Variants in THOC2 observed in about 807,000 individuals in gnomAD.
THOC2 encodes the protein THO complex 2.
A neutral mutation model predicts 128.4 loss-of-function variants in THOC2; 10 were observed. The ratio of observed to expected loss-of-function variants is 0.08; its 90% CI spans 0.05 to 0.13. THOC2 has a LOEUF of 0.13. THOC2 is among the 10% of genes least tolerant of loss of function. THOC2 has a pLI of 1.00. For missense variants in THOC2, 535 were observed against 1,155.7 expected (o/e 0.46, Z 7.79); for synonymous variants, 393 against 396.9 (o/e 0.99, Z 0.12).
rs773474046 is a variant in THOC2 at position 123,636,000 on chromosome X, G to A, written c.2018+79C>T. 582 of 722,177 alleles carry A rather than the reference G, an allele frequency of 8.1e-4. 1 individual carries two copies. The highest frequency in any genetic ancestry group is 9.8e-4 in the Non-Finnish European group (478 of 489,084). The allele number at this position is 722,177 out of a possible 1,213,427, so 59.5% of individuals were successfully genotyped here. A position where few individuals can be genotyped will look rare whatever the true frequency, so the allele number is the denominator to read the frequency against. ...ACAACCAACAAATAAGTAGTCTTTC[G>A]GGATAACAGAGTCTCAATAACCCCA... On this transcript the variant is annotated intron_variant, in intron 19 of 38. Transcript: ENST00000245838.
Position 123,667,099 on chromosome X carries a change from T to C in THOC2, c.1190+7A>G. 1 of 1,159,293 alleles carries C rather than the reference T, an allele frequency of 8.6e-7. No homozygotes were observed. The highest frequency in any genetic ancestry group is 1.2e-6 in the Non-Finnish European group (1 of 865,835). On this transcript the variant is annotated splice_region_variant and intron_variant, in intron 11 of 38. Transcript: ENST00000245838. ...CTCAATGATTAATAAAGTATAAAGTTACATACCTTCGGTAGAGAGGCTCAA... is the reference window on the plus strand; with the variant it reads ...CTCAATGATTAATAAAGTATAAAGTCACATACCTTCGGTAGAGAGGCTCAA...
chrX:123,684,415 C>G (rs2049921286), intron 8 of THOC2, among the ~76,000 whole-genome samples: 1 of 111,772 alleles, frequency 8.9e-6, no homozygotes, highest in Non-Finnish European at 1.9e-5. Context: ...CGGAGTTTTA[C>G]TCTTATTGCC....
At chrX:123,717,569 GAATA>G (rs1411552181) in intron 1 of THOC2, among the ~76,000 whole-genome samples, 1 of 109,083 alleles carries the variant, frequency 9.2e-6, no homozygotes. Flanking sequence ...TGATTGATTA[GAATA>G]ATTAAGATTG....
At chrX:123,608,459 C>G (rs1345443462) in intron 38 of THOC2, among the ~76,000 whole-genome samples, 4 of 107,386 alleles carry the variant, frequency 3.7e-5, no homozygotes, top group Admixed American at 2.0e-4. Flanking sequence ...CACAGTGGCT[C>G]AGACCTGTAA....
At chrX:123,623,535 T>C in intron 28 of THOC2, 1 of 598,285 alleles carries the variant, frequency 1.7e-6, no homozygotes. Flanking sequence ...CTGTTAACTA[T>C]GATGATAAAA....
At chrX:123,697,017 T>C (rs781715969) in intron 5 of THOC2, among the ~76,000 whole-genome samples, 175 bp from the exon 6 acceptor site, 10 of 112,046 alleles carry the variant, frequency 8.9e-5, no homozygotes, top group Non-Finnish European at 1.5e-4. Context: ...CTCCAAATAT[T>C]GAAATATTTA....
rs1398555346 is a variant in THOC2 at position 123,620,885 on chromosome X, G to A, written c.4275+22C>T. The A allele has an allele frequency of 2.5e-6, 3 of 1,202,065 alleles. No homozygotes were observed. In the South Asian group the frequency reaches 5.4e-5, roughly 22 times the overall value. ...AACAGGTGAGCCTAACATGGACGCT[G>A]CCTTCCTCAGGCTATACTAACCTTT... On this transcript the variant is annotated intron_variant, in intron 32 of 38. Transcript: ENST00000245838.
At chrX:123,656,587 G>A (rs747109601) in intron 12 of THOC2, among the ~76,000 whole-genome samples, 11 of 111,128 alleles carry the variant, frequency 9.9e-5, no homozygotes, top group African/African-American at 3.3e-4. Context: ...GCACGTGCCT[G>A]TAATCACAGC....
intron 16 of THOC2, among the ~76,000 whole-genome samples, chrX:123,639,748 C>G (rs2047833406): frequency 9.0e-6 from 1 of 111,559 alleles, no homozygotes; most frequent in Non-Finnish European, 1.9e-5. Context: ...ACCCAAACCT[C>G]AGCATTATGC....
At chrX:123,678,847 TTCAG>T (rs1188364386) in intron 8 of THOC2, among the ~76,000 whole-genome samples, 1 of 110,792 alleles carries the variant, frequency 9.0e-6, no homozygotes, top group African/African-American at 3.3e-5. Context: ...TGCTTTCTAC[TTCAG>T]TAAGAAAATT....
intron 1 of THOC2, among the ~76,000 whole-genome samples, chrX:123,723,716 A>T (rs1424180651): frequency 8.9e-6 from 1 of 112,094 alleles, no homozygotes; most frequent in Admixed American, 9.5e-5. Flanking sequence ...ATATTCAATG[A>T]TTTCATTTAT....
rs1211457911 is a variant in THOC2 at position 123,601,219 on chromosome X, A to G, written c.*138T>C. The G allele has an allele frequency of 8.9e-6, 1 of 112,457 alleles. No homozygotes were observed. The highest frequency in any genetic ancestry group is 1.9e-5 in the Non-Finnish European group (1 of 53,259). The allele number at this position is 112,457 out of a possible 1,213,427, so 9.3% of individuals were successfully genotyped here. ...TTTTAAGTTTTCCACATGGAGCAATAAAGCAGGTAACTGAATAATTTAAGG... is the reference window on the plus strand; with the variant it reads ...TTTTAAGTTTTCCACATGGAGCAATGAAGCAGGTAACTGAATAATTTAAGG... On this transcript the variant is annotated 3_prime_UTR_variant, in exon 39 of 39. Transcript: ENST00000245838.
intron 15 of THOC2, among the ~76,000 whole-genome samples, chrX:123,643,144 C>A (rs1405175560): frequency 9.0e-6 from 1 of 111,016 alleles, no homozygotes; most frequent in Non-Finnish European, 1.9e-5. Flanking sequence ...CCTGTACAAA[C>A]AGAGGGAACA....
At chrX:123,611,855 T>A (rs1374437117) in intron 36 of THOC2, among the ~76,000 whole-genome samples, 2 of 106,336 alleles carry the variant, frequency 1.9e-5, no homozygotes, top group Non-Finnish European at 3.9e-5. Context: ...AAATAAAAAA[T>A]GGTCAAGGTA....
chrX:123,697,115 A>G (rs1055741155), intron 5 of THOC2, among the ~76,000 whole-genome samples: 3 of 112,049 alleles, frequency 2.7e-5, no homozygotes, highest in Non-Finnish European at 5.6e-5. Flanking sequence ...GAAATTTTCA[A>G]TATGACTGCA....
At chrX:123,677,393 TTTC>T (rs2049543692) in intron 8 of THOC2, among the ~76,000 whole-genome samples, 1 of 111,943 alleles carries the variant, frequency 8.9e-6, no homozygotes, top group Non-Finnish European at 1.9e-5. Flanking sequence ...TTAATATTTC[TTTC>T]TTCAATAAAT....
intron 1 of THOC2, among the ~76,000 whole-genome samples, chrX:123,731,442 G>A (rs753774900): frequency 8.9e-6 from 1 of 111,940 alleles, no homozygotes; most frequent in African/African-American, 3.2e-5. Context: ...TTGCTAACCT[G>A]AGTGGTACAG....
intron 12 of THOC2, among the ~76,000 whole-genome samples, chrX:123,659,690 T>C (rs1232259710): frequency 8.9e-6 from 1 of 112,648 alleles, no homozygotes; most frequent in Non-Finnish European, 1.9e-5. Flanking sequence ...GAAACATATA[T>C]ACACATAATC....
At chrX:123,638,169 G>C in intron 17 of THOC2, 46 bp from the exon 18 acceptor site, 2 of 899,635 alleles carry the variant, frequency 2.2e-6, no homozygotes, top group Non-Finnish European at 3.1e-6. Context: ...CTCTAATAAA[G>C]ACCCTTAAAA....
Sources: allele counts gnomAD v4.1 joint callset (sites outside exome capture counted in the v4.1 genomes callset), GRCh38; gene constraint gnomAD v4.1.1; transcripts MANE v1.5; gene names NCBI Gene and HGNC (gene_info 2026-07-23, HGNC 2026-07-21).